Variants in SH3YL1 observed in about 807,000 individuals in gnomAD.
SH3YL1 encodes SH3 and SYLF domain containing 1.
A neutral mutation model predicts 45.8 loss-of-function variants in SH3YL1; 41 were observed. That is an observed-to-expected ratio of 0.89 (90% CI 0.70 to 1.16). The LOEUF is 1.16. Among genes scored for constraint, SH3YL1 ranks in the 50% most tolerant of loss-of-function variants. The pLI is 0.00. For synonymous variants in SH3YL1, 152 were observed against 151.4 expected (o/e 1.00, Z -0.03); for missense variants, 389 against 409.6 (o/e 0.95, Z 0.43).
chr2:253,657 G>C (rs1236904008), intron 1 of SH3YL1, among the ~76,000 whole-genome samples: 1 of 152,174 alleles, frequency 6.6e-6, no homozygotes, highest in East Asian at 1.9e-4. Flanking sequence ...ACAATTGTAA[G>C]TATCCTTAGT....
At chr2:242,687 A>G (rs1253523535) in intron 4 of SH3YL1, 20 of 1,333,740 alleles carry the variant, frequency 1.5e-5, no homozygotes, top group Non-Finnish European at 1.9e-5. Context: ...TGAATTAAAC[A>G]ACCAAATAAA....
intron 4 of SH3YL1, chr2:240,785 G>A (rs300705): frequency 0.28 from 42,070 of 152,144 alleles, 6,936 homozygotes; most frequent in African/African-American, 0.43. Flanking sequence ...CAGAACACCT[G>A]TCATCTCAGG....
chr2:253,125 A>T lies in SH3YL1; in HGVS notation c.2-10T>A, dbSNP rs1167089074. The T allele has an allele frequency of 8.0e-6, 11 of 1,382,572 alleles. No individual in the cohort carries two copies. The highest frequency in any genetic ancestry group is 1.1e-5 in the Non-Finnish European group (11 of 1,010,836). 85.6% of individuals were successfully genotyped at this position (1,382,572 alleles called of 1,614,324 possible). A position where few individuals can be genotyped will look rare whatever the true frequency, so the allele number is the denominator to read the frequency against. The stretch of plus-strand genomic sequence containing the variant: ...GGTATAGGGTTATTCACTGAAACAT[A>T]ACAAAAGATATTTTAATGAAAAATT... On this transcript the variant is annotated splice_polypyrimidine_tract_variant and intron_variant, in intron 1 of 9. Coordinates refer to ENST00000356150, the MANE Select transcript of SH3YL1 (RefSeq NM_015677.4).
chr2:247,085 GA>G (rs1668851349), intron 4 of SH3YL1, among the ~76,000 whole-genome samples: 2 of 152,210 alleles, frequency 1.3e-5, no homozygotes, highest in African/African-American at 4.8e-5. Flanking sequence ...ATTATAAACT[GA>G]AATAACGTGA....
chr2:243,448 C>G (rs1457792851), intron 4 of SH3YL1: 1 of 1,448,490 alleles, frequency 6.9e-7, no homozygotes, highest in Non-Finnish European at 9.2e-7. Context: ...AAGAAGAAAT[C>G]ACATGAGAAA....
chr2:254,795 C>T (rs541140044), intron 1 of SH3YL1, among the ~76,000 whole-genome samples: 1 of 152,192 alleles, frequency 6.6e-6, no homozygotes, highest in African/African-American at 2.4e-5. Flanking sequence ...CATCCCTCTG[C>T]TCACGTGAGA....
At chr2:252,975 A>G (rs1669137962) in intron 2 of SH3YL1, 30 bp downstream of exon 2, 1 of 1,318,492 alleles carries the variant, frequency 7.6e-7, no homozygotes, top group African/African-American at 1.5e-5. Flanking sequence ...AGACATTTAG[A>G]GACAAACAGC....
intron 1 of SH3YL1, chr2:260,194 T>C (rs1335214112): frequency 6.6e-6 from 1 of 152,228 alleles, no homozygotes; most frequent in Non-Finnish European, 1.5e-5. Context: ...GTGGTAATTA[T>C]CTTGGGAGAG....
chr2:249,430 T>C (rs1029791949), intron 3 of SH3YL1, among the ~76,000 whole-genome samples: 4 of 152,124 alleles, frequency 2.6e-5, no homozygotes, highest in Non-Finnish European at 5.9e-5. Flanking sequence ...ACAAAAGAAA[T>C]GCACATACTG....
intron 4 of SH3YL1, among the ~76,000 whole-genome samples, chr2:237,384 C>T (rs1006569955): frequency 6.6e-6 from 1 of 151,988 alleles, no homozygotes; most frequent in African/African-American, 2.4e-5. Flanking sequence ...AGGTCAAAAG[C>T]TCTGCAGACA....
intron 6 of SH3YL1, 39 bp from the exon 7 acceptor site, chr2:231,230 A>G: frequency 6.8e-7 from 1 of 1,476,252 alleles, no homozygotes; most frequent in South Asian, 1.2e-5. Context: ...TTTAATATAC[A>G]CAAATCTTTT....
chr2:241,343 T>C (rs757454564), intron 4 of SH3YL1: 29 of 152,180 alleles, frequency 1.9e-4, no homozygotes, highest in Non-Finnish European at 3.1e-4. Context: ...ATTTGAATAA[T>C]AGAAAGTCTT....
chr2:240,854 T>G (rs1668513176), intron 4 of SH3YL1: 1 of 152,226 alleles, frequency 6.6e-6, no homozygotes, highest in Non-Finnish European at 1.5e-5. Context: ...GGGCACAGAA[T>G]TCATTCAAAC....
intron 2 of SH3YL1, among the ~76,000 whole-genome samples, chr2:251,763 T>C (rs1250056288): frequency 6.6e-6 from 1 of 152,158 alleles, no homozygotes; most frequent in Non-Finnish European, 1.5e-5. Context: ...AAGCACCGTT[T>C]CCTCAAGACA....
chr2:253,953 C>A (rs184549388), intron 1 of SH3YL1, among the ~76,000 whole-genome samples: 1 of 152,096 alleles, frequency 6.6e-6, no homozygotes, highest in African/African-American at 2.4e-5. Context: ...TCTAAACTCT[C>A]ATCTCAGAAA....
intron 4 of SH3YL1, chr2:241,574 T>C (rs1668545258): frequency 6.6e-6 from 1 of 152,022 alleles, no homozygotes; most frequent in African/African-American, 2.4e-5. Flanking sequence ...GTAGAATAAA[T>C]GTAAAAAGAT....
At chr2:263,769 A>C in intron 1 of SH3YL1, 1 of 467,764 alleles carries the variant, frequency 2.1e-6, no homozygotes. Context: ...TTTTCTAAAA[A>C]TGGAAAAGAC....
chr2:232,891 G>T, intron 6 of SH3YL1: 1 of 334,030 alleles, frequency 3.0e-6, no homozygotes, highest in Non-Finnish European at 5.2e-6. Flanking sequence ...CTTTTAAAGG[G>T]ATCGAGTTTT....
In SH3YL1 at chr2:218,574, C is replaced by T. The variant is rs553926846; in HGVS notation, c.*237G>A. 15 of 423,940 alleles carry T rather than the reference C, an allele frequency of 3.5e-5. No homozygotes were observed. Among genetic ancestry groups the T allele is most frequent in the East Asian group, 2.6e-4 (7 of 26,492 alleles). 26.3% of individuals were successfully genotyped at this position (423,940 alleles called of 1,614,324 possible). ...GAAGTGTTCACAAGAGAACTATGAG[C>T]GTATAAACTGTATGATATTCTATGA... On this transcript the variant is annotated 3_prime_UTR_variant, in exon 10 of 10. Coordinates refer to ENST00000356150, the MANE Select transcript of SH3YL1 (RefSeq NM_015677.4).
Sources: allele counts gnomAD v4.1 joint callset (sites outside exome capture counted in the v4.1 genomes callset), GRCh38; gene constraint gnomAD v4.1.1; transcripts MANE v1.5; gene names NCBI Gene and HGNC (gene_info 2026-07-23, HGNC 2026-07-21).